Variants in PIM1 observed in about 807,000 individuals in gnomAD.
PIM1 encodes Pim-1 proto-oncogene, serine/threonine kinase.
In PIM1, 9 loss-of-function variants were observed where a neutral mutation model predicts 34.5. That is an observed-to-expected ratio of 0.26 (90% CI 0.16 to 0.46). The LOEUF is 0.46. PIM1 is among the 20% of genes least tolerant of loss of function. PIM1 has a pLI of 1.00. For synonymous variants in PIM1, 199 were observed against 175.2 expected (o/e 1.14, Z -1.07); for missense variants, 274 against 410.9 (o/e 0.67, Z 2.88).
chr6:37,172,459 CAG>C (rs1762307323), intron 4 of PIM1: 2 of 390,158 alleles, frequency 5.1e-6, no homozygotes, highest in Non-Finnish European at 1.0e-5. Context: ...TCTACCTTTC[CAG>C]TCTAGGGAGG....
At position 37,170,867 on chromosome 6, in the gene PIM1, C is replaced by T. The variant is rs1476504184; in HGVS notation, c.177C>T (p.Ser59=). 1 of 1,612,704 alleles carries T rather than the reference C, an allele frequency of 6.2e-7. No individual in the cohort carries two copies. The highest frequency in any genetic ancestry group is 2.2e-5 in the East Asian group (1 of 44,824). The change falls in exon 2 of 6, where the codon TCC becomes TCT. Residue 59 remains serine (S), a synonymous_variant. Coordinates refer to ENST00000373509, the MANE Select transcript of PIM1 (RefSeq NM_002648.4). ...CGGTCTACTCAGGCATCCGCGTCTC[C>T]GACAACTTGCCGGTGAGTGGGCGCC... is the stretch of plus-strand genomic sequence containing the variant. ...FGSVYSGIRV[S]DNLPVAIKHV...
At chr6:37,170,939 TA>T (rs775614656) in intron 2 of PIM1, 41 bp from the exon 3 acceptor site, 1 of 1,613,706 alleles carries the variant, frequency 6.2e-7, no homozygotes, top group Non-Finnish European at 8.5e-7. Context: ...GGGCGTGCTT[TA>T]GCCCGGACGA....
chr6:37,174,017 A>T lies in PIM1; in HGVS notation c.868A>T (p.Met290Leu). ...CGAAGAAATCCAGAACCATCCATGG[A>T]TGCAAGATGTTCTCCTGCCCCAGGA... ...TFEEIQNHPW[M>L]QDVLLPQETA... is the part of the protein sequence containing the mutation. Residue 290 changes from methionine (M) to leucine (L), a missense_variant, in exon 6 of 6, where the codon ATG becomes TTG. This residue lies in a region of PIM1 where 168 missense variants were observed against 299.4 expected (regional missense o/e 0.56). Transcript: ENST00000373509. 2 of 1,614,084 alleles carry T rather than the reference A, an allele frequency of 1.2e-6. No homozygotes were observed. The highest frequency in any genetic ancestry group is 1.7e-6 in the Non-Finnish European group (2 of 1,179,990).
At position 37,171,038 on chromosome 6, in the gene PIM1, G is replaced by T. The variant is rs1252838471; in HGVS notation, c.240+7G>T. ...TTCCGACTGGGGAGAGCTGGTGAGT[G>T]CCCTGCAGGAGCGACCCCCAGGATG... On this transcript the variant is annotated splice_region_variant and intron_variant, in intron 3 of 5. Transcript: ENST00000373509. 1.9e-6 allele frequency: 3 copies of T among 1,613,962 alleles called. No individual in the cohort carries two copies. In the Admixed American group the frequency reaches 5.0e-5, roughly 27 times the overall value.
At chr6:37,171,089 G>T in intron 3 of PIM1, 36 bp from the exon 4 acceptor site, 1 of 1,613,718 alleles carries the variant, frequency 6.2e-7, no homozygotes, top group Non-Finnish European at 8.5e-7. Flanking sequence ...GGGCGCCCCC[G>T]ACTCCCGCCC....
rs776506228 is a variant in PIM1, at chr6:37,170,639, G to A, written c.64G>A (p.Ala22Thr). The A allele has an allele frequency of 6.2e-7, 1 of 1,612,204 alleles. No homozygotes were observed. Among genetic ancestry groups the A allele is most frequent in the African/African-American group, 1.3e-5 (1 of 74,768 alleles). Residue 22 changes from alanine to threonine, a missense_variant, in exon 1 of 6, where the codon GCC becomes ACC. This residue lies in a region of PIM1 where 106 missense variants were observed against 111.5 expected (regional missense o/e 0.95). Transcript: ENST00000373509. Reference protein sequence around the residue: ...LRAAPCNDLHATKLAPGKEKE... With the variant: ...LRAAPCNDLHTTKLAPGKEKE... ...CGCCGCGCCCTGCAACGACCTGCAC[G>A]CCACCAAGCTGGCGCCCGGTGAGAG...
Position 37,174,225 on chromosome 6 carries a change from A to G in PIM1, c.*134A>G, listed in dbSNP as rs1762362778. The G allele has an allele frequency of 2.3e-6, 2 of 878,918 alleles. No homozygotes were observed. Among genetic ancestry groups the G allele is most frequent in the Non-Finnish European group, 3.4e-6 (2 of 588,088 alleles). The allele number at this position is 878,918 out of a possible 1,614,324, so 54.4% of individuals were successfully genotyped here. On this transcript the variant is annotated 3_prime_UTR_variant, in exon 6 of 6. Transcript: ENST00000373509. ...GCTTGATACAGGAACAACATTTACAACTCATTCCAGATCCCAGGCCCCTGG... is the reference window on the plus strand; with the variant it reads ...GCTTGATACAGGAACAACATTTACAGCTCATTCCAGATCCCAGGCCCCTGG...
At chr6:37,170,915 G>C (rs1349160644) in intron 2 of PIM1, 36 bp downstream of exon 2, 1 of 1,612,150 alleles carries the variant, frequency 6.2e-7, no homozygotes, top group African/African-American at 1.3e-5. Context: ...GGGCGCGCCG[G>C]GCGGGGGGCG....
chr6:37,170,925 G>C, intron 2 of PIM1, 46 bp downstream of exon 2: 2 of 1,612,904 alleles, frequency 1.2e-6, no homozygotes, highest in Non-Finnish European at 1.7e-6. Flanking sequence ...GGCGGGGGGC[G>C]CACGGGCGTG....
In PIM1 at chr6:37,170,808, G is replaced by C. The variant is rs1167511555; in HGVS notation, c.118G>C (p.Val40Leu). 1.2e-6 allele frequency: 2 copies of C among 1,613,064 alleles called. No individual in the cohort carries two copies. Among genetic ancestry groups the C allele is most frequent in the Non-Finnish European group, 1.7e-6 (2 of 1,179,700 alleles). The change falls in exon 2 of 6, where the codon GTG (valine) becomes CTG (leucine). Residue 40 changes from valine to leucine, a missense_variant. Physicochemically the swap from Val to Leu is conservative, Grantham distance 32 (BLOSUM62 1). Transcript: ENST00000373509. ...GGAGCCCCTGGAGTCGCAGTACCAG[G>C]TGGGCCCGCTACTGGGCAGCGGCGG... ...EKEPLESQYQ[V>L]GPLLGSGGFG...
Position 37,170,446 on chromosome 6 carries a change from C to G in PIM1, c.-130C>G, listed in dbSNP as rs577995534. The G allele has an allele frequency of 1.1e-4, 163 of 1,545,154 alleles. 1 individual carries two copies. The South Asian group carries it at 1.8e-3, about 17-fold the overall frequency. Reference sequence around the variant, plus strand: ...CGGCCTTCCGCGCCAGCCGCAGCCACAGCCGCAACGCCACCCGCAGCCACA... The same window carrying G: ...CGGCCTTCCGCGCCAGCCGCAGCCAGAGCCGCAACGCCACCCGCAGCCACA... On this transcript the variant is annotated 5_prime_UTR_variant, in exon 1 of 6. Coordinates refer to ENST00000373509, the MANE Select transcript of PIM1 (RefSeq NM_002648.4).
rs894956820 is a variant in PIM1 at position 37,171,351 on chromosome 6, G to A, written c.467G>A (p.Arg156Gln). 3.1e-6 allele frequency: 5 copies of A among 1,613,816 alleles called. No homozygotes were observed. The African/African-American group carries it at 4.0e-5, about 13-fold the overall frequency. Reference protein sequence around the residue: ...SFFWQVLEAVRHCHNCGVLHR... With the variant: ...SFFWQVLEAVQHCHNCGVLHR... ...TTCTGGCAGGTGCTGGAGGCCGTGC[G>A]GCACTGCCACAACTGCGGGGTGCTC... The change falls in exon 4 of 6, where the codon CGG (arginine) becomes CAG (glutamine). Residue 156 changes from arginine to glutamine, a missense_variant. By Grantham distance (43) the Arg-to-Gln change is conservative. Coordinates refer to ENST00000373509, the MANE Select transcript of PIM1 (RefSeq NM_002648.4).
Position 37,175,076 on chromosome 6 carries a change from C to A in PIM1, c.*985C>A, listed in dbSNP as rs769156329. ...TAGTTTTCTTTCCTCCTTTCCTCCT[C>A]TGACTTGGGGACCTTTTGGGGGAGG... On this transcript the variant is annotated 3_prime_UTR_variant, in exon 6 of 6. Transcript: ENST00000373509. 4 of 233,416 alleles carry A rather than the reference C, an allele frequency of 1.7e-5. No homozygotes were observed. Among genetic ancestry groups the A allele is most frequent in the Non-Finnish European group, 3.4e-5 (4 of 118,160 alleles). The allele number at this position is 233,416 out of a possible 1,614,324, so 14.5% of individuals were successfully genotyped here.
At position 37,173,875 on chromosome 6, in the gene PIM1, CT is replaced by C. The variant is rs1762352875; in HGVS notation, c.785-56del. ...CCTCTGAGAAGCAAATGGGGAAGACCTTTGCAGTGTAAAAACAAGTTGAGTC... is the reference window on the plus strand; with the variant it reads ...CCTCTGAGAAGCAAATGGGGAAGACCTTGCAGTGTAAAAACAAGTTGAGTC... On this transcript the variant is annotated intron_variant, in intron 5 of 5. Coordinates refer to ENST00000373509, the MANE Select transcript of PIM1 (RefSeq NM_002648.4). 7 of 1,512,472 alleles carry C rather than the reference CT, an allele frequency of 4.6e-6. No homozygotes were observed. In the Admixed American group the frequency reaches 5.5e-5, roughly 12 times the overall value. The allele number at this position is 1,512,472 out of a possible 1,614,324, so 93.7% of individuals were successfully genotyped here. A position where few individuals can be genotyped will look rare whatever the true frequency, so the allele number is the denominator to read the frequency against.
rs373689005 is a variant in PIM1, at chr6:37,174,132, C to T, written c.*41C>T. 9 of 1,580,752 alleles carry T rather than the reference C, an allele frequency of 5.7e-6. No individual in the cohort carries two copies. Among genetic ancestry groups the T allele is most frequent in the African/African-American group, 2.7e-5 (2 of 73,904 alleles). ...GTCCTCCCCTCTCTTGTCAGATGCCCGAGGGAGGGGAAGCTTCTGTCTCCA... is the reference window on the plus strand; with the variant it reads ...GTCCTCCCCTCTCTTGTCAGATGCCTGAGGGAGGGGAAGCTTCTGTCTCCA... On this transcript the variant is annotated 3_prime_UTR_variant, in exon 6 of 6. Transcript: ENST00000373509.
At position 37,174,975 on chromosome 6, in the gene PIM1, T is replaced by C. The variant is rs1762380852; in HGVS notation, c.*884T>C. On this transcript the variant is annotated 3_prime_UTR_variant, in exon 6 of 6. Transcript: ENST00000373509. ...GTTTTGAAAGATGCGCATTCTAACC[T>C]GGAGGTCAATGTTATGTATTTATTT... 8.6e-6 allele frequency: 2 copies of C among 233,652 alleles called. No individual in the cohort carries two copies. The highest frequency in any genetic ancestry group is 1.7e-5 in the Non-Finnish European group (2 of 118,078). 14.5% of individuals were successfully genotyped at this position (233,652 alleles called of 1,614,324 possible).
In PIM1 at chr6:37,175,300, T is replaced by C. The variant is rs1316388195; in HGVS notation, c.*1209T>C. The C allele has an allele frequency of 5.1e-5, 12 of 233,514 alleles. No homozygotes were observed. The highest frequency in any genetic ancestry group is 8.5e-5 in the Non-Finnish European group (10 of 118,022). The allele number at this position is 233,514 out of a possible 1,614,324, so 14.5% of individuals were successfully genotyped here. On this transcript the variant is annotated 3_prime_UTR_variant, in exon 6 of 6. Transcript: ENST00000373509. ...GATGGTGTGCCTTCCAGATCCTCTC[T>C]GGGGCTGTGTTTTGAGCAGCAGGTA...
At position 37,171,394 on chromosome 6, in the gene PIM1, C is replaced by T. The variant is rs1358018860; in HGVS notation, c.510C>T (p.Asp170=). The T allele has an allele frequency of 6.2e-7, 1 of 1,614,084 alleles. No homozygotes were observed. The highest frequency in any genetic ancestry group is 1.1e-5 in the South Asian group (1 of 91,088). The change falls in exon 4 of 6, where the codon GAC becomes GAT. Residue 170 remains aspartate, a synonymous_variant. Coordinates refer to ENST00000373509, the MANE Select transcript of PIM1 (RefSeq NM_002648.4). ...GGGTGCTCCACCGCGACATCAAGGA[C>T]GAAAACATCCTTATCGACCTCAATC... ...NCGVLHRDIK[D]ENILIDLNRG...
In PIM1 at chr6:37,170,462, C is replaced by G. The variant is rs1451997948; in HGVS notation, c.-114C>G. 6.4e-7 allele frequency: 1 copy of G among 1,557,760 alleles called. No individual in the cohort carries two copies. The highest frequency in any genetic ancestry group is 8.6e-7 in the Non-Finnish European group (1 of 1,157,914). On this transcript the variant is annotated 5_prime_UTR_variant, in exon 1 of 6. Transcript: ENST00000373509. ...CCGCAGCCACAGCCGCAACGCCACC[C>G]GCAGCCACAGCCACAGCCACAGCCC...
Sources: gnomAD v4.1 joint callset for allele counts on GRCh38, gnomAD v4.1.1 for gene constraint, gnomAD v4.1.1 regional missense constraint, MANE v1.5 for transcripts, NCBI Gene and HGNC (gene_info 2026-07-23, HGNC 2026-07-21) for gene names.